FAT3: variants seen among roughly 807,000 people sequenced by gnomAD.
FAT3 encodes FAT atypical cadherin 3, also known as protocadherin Fat 3.
Under a neutral mutation model 310.2 loss-of-function variants are expected in FAT3, and 95 were observed. The observed-to-expected ratio is 0.31, with a 90% CI of 0.26 to 0.36. The LOEUF (loss-of-function observed/expected upper bound fraction) is 0.36, where lower values mean the gene tolerates loss of function less well. Ranked by LOEUF, FAT3 falls within the 10% of genes least tolerant of loss-of-function variation. The pLI is 1.00. For synonymous variants in FAT3, 2,314 were observed against 2,192.9 expected, an observed-to-expected ratio of 1.06 and a Z score of -1.54; for missense variants, 5,408 against 5,715.6, an observed-to-expected ratio of 0.95 and a Z score of 1.74.
chr11:92,848,124 C>T (rs1048708910), intron 19 of FAT3, among the ~76,000 whole-genome samples: 2 of 152,186 alleles, frequency 1.3e-5, no homozygotes, highest in Non-Finnish European at 2.9e-5. Context: ...AATTTGGCCT[C>T]AATATTCTAT....
chr11:92,738,998 A>G (rs559373436), intron 4 of FAT3, among the ~76,000 whole-genome samples: 6 of 152,172 alleles, frequency 3.9e-5, no homozygotes, highest in Admixed American at 6.6e-5. Context: ...CTGTCACACT[A>G]TAGCTTTCAA....
intron 2 of FAT3, among the ~76,000 whole-genome samples, chr11:92,391,771 G>A (rs761735949): frequency 2.0e-5 from 3 of 152,076 alleles, no homozygotes; most frequent in Non-Finnish European, 4.4e-5. Flanking sequence ...TCTTCTTAGA[G>A]ATTTATCTAA....
chr11:92,798,950 C>G lies in FAT3; in HGVS notation c.5937C>G (p.Gly1979=). Residue 1979 remains glycine, a synonymous_variant, in exon 10 of 28, where the codon GGC becomes GGG. Transcript: ENST00000525166. ...TGGTTAAAGAAGCCATGGACAGCGGCCTCCACTTTACACAAAGCTTCTATT... is the reference window on the plus strand; with the variant it reads ...TGGTTAAAGAAGCCATGGACAGCGGGCTCCACTTTACACAAAGCTTCTATT... The part of the protein sequence containing the change: ...TIMVKEAMDS[G]LHFTQSFYST... The G allele has an allele frequency of 6.2e-7, 1 of 1,613,964 alleles. No homozygotes were observed. The highest frequency in any genetic ancestry group is 1.1e-5 in the South Asian group (1 of 91,080).
chr11:92,257,403 G>A (rs1177228296), intron 1 of FAT3, among the ~76,000 whole-genome samples: 1 of 152,030 alleles, frequency 6.6e-6, no homozygotes, highest in Non-Finnish European at 1.5e-5. Flanking sequence ...ATTTCCCCAG[G>A]GAAGTAGACT....
At chr11:92,370,277 T>C (rs1234798551) in intron 2 of FAT3, among the ~76,000 whole-genome samples, 1 of 152,228 alleles carries the variant, frequency 6.6e-6, no homozygotes, top group Non-Finnish European at 1.5e-5. Flanking sequence ...TCTGATTTCA[T>C]TGACTAAACC....
intron 3 of FAT3, among the ~76,000 whole-genome samples, chr11:92,560,156 T>C (rs1955170319): frequency 6.6e-6 from 1 of 152,226 alleles, no homozygotes; most frequent in African/African-American, 2.4e-5. Context: ...TACTGGATGT[T>C]AAGTGGTATC....
intron 6 of FAT3, among the ~76,000 whole-genome samples, chr11:92,770,554 C>A (rs1315401649): frequency 6.6e-6 from 1 of 152,118 alleles, no homozygotes; most frequent in East Asian, 1.9e-4. Context: ...GTGCACAACT[C>A]CCTGAATTCA....
chr11:92,753,798 G>GTGTGTGTGTGTATATATATATA, intron 4 of FAT3, among the ~76,000 whole-genome samples: 2 of 119,114 alleles, frequency 1.7e-5, no homozygotes, highest in East Asian at 2.3e-4. Flanking sequence ...GTGTGTGTGT[G>GTGTGTGTGTGTATATATATATA]TATATATATA....
intron 3 of FAT3, among the ~76,000 whole-genome samples, chr11:92,629,526 T>C (rs1176150859): frequency 6.7e-6 from 1 of 149,284 alleles, no homozygotes; most frequent in Non-Finnish European, 1.5e-5. Flanking sequence ...CTGCCTCGCC[T>C]CAGCCTTCCA....
Position 92,603,675 on chromosome 11 carries a change from C to T in FAT3, c.3607+78727C>T, listed in dbSNP as rs1940137439. On this transcript the variant is annotated intron_variant, in intron 3 of 27. Coordinates refer to ENST00000525166, the MANE Select transcript of FAT3 (RefSeq NM_001367949.2). ...GCTTCATCTTTGGATGGTCACAACA[C>T]TTAATATCAGGCTTTGTATAGAGTA... 2.0e-5 allele frequency among the ~76,000 whole-genome samples: 3 copies of T among 152,178 alleles called. No homozygotes were observed. In the South Asian group the frequency reaches 6.2e-4, roughly 32 times the overall value.
intron 3 of FAT3, among the ~76,000 whole-genome samples, chr11:92,577,392 G>A (rs1938539182): frequency 6.6e-6 from 1 of 152,026 alleles, no homozygotes; most frequent in South Asian, 2.1e-4. Context: ...ACAGGTATGA[G>A]CCACCACACC....
intron 4 of FAT3, among the ~76,000 whole-genome samples, chr11:92,705,691 ATGG>A (rs1465530253): frequency 1.5e-4 from 3 of 20,474 alleles, no homozygotes; most frequent in Non-Finnish European, 1.8e-4. Context: ...TGGTGGTGTG[ATGG>A]TGGTGTGATC....
intron 1 of FAT3, among the ~76,000 whole-genome samples, chr11:92,312,125 T>A (rs1410363587): frequency 1.3e-5 from 2 of 152,230 alleles, no homozygotes; most frequent in East Asian, 1.9e-4. Flanking sequence ...CCTTTTCAGG[T>A]ACAAAATCAG....
chr11:92,234,291 A>C (rs577780737), intron 1 of FAT3, among the ~76,000 whole-genome samples: 1 of 152,360 alleles, frequency 6.6e-6, no homozygotes, highest in South Asian at 2.1e-4. Context: ...GAGTGTATAC[A>C]TATTGGAAAT....
At chr11:92,588,952 C>T (rs1939288944) in intron 3 of FAT3, among the ~76,000 whole-genome samples, 1 of 148,114 alleles carries the variant, frequency 6.8e-6, no homozygotes, top group African/African-American at 2.6e-5. Flanking sequence ...AATGCAGCGG[C>T]ATAATGAAGA....
intron 1 of FAT3, among the ~76,000 whole-genome samples, chr11:92,337,403 T>C (rs1046397208): frequency 2.6e-5 from 4 of 152,166 alleles, no homozygotes; most frequent in Non-Finnish European, 5.9e-5. Context: ...AACATTTTTC[T>C]TTTTGATCTG....
intron 3 of FAT3, among the ~76,000 whole-genome samples, chr11:92,660,036 A>G (rs1346381688): frequency 1.3e-5 from 2 of 151,948 alleles, no homozygotes; most frequent in Non-Finnish European, 2.9e-5. Context: ...TAGAGGAGAA[A>G]CTCGAGAGTA....
intron 4 of FAT3, among the ~76,000 whole-genome samples, chr11:92,738,911 A>G (rs1422316061): frequency 6.6e-6 from 1 of 152,128 alleles, no homozygotes; most frequent in Non-Finnish European, 1.5e-5. Flanking sequence ...CACAGATATT[A>G]AAGTGCTTGG....
At chr11:92,386,657 G>A (rs182768005) in intron 2 of FAT3, among the ~76,000 whole-genome samples, 26 of 152,322 alleles carry the variant, frequency 1.7e-4, no homozygotes, top group African/African-American at 5.3e-4. Flanking sequence ...TTAAACTTGA[G>A]AGAAGACAAG....
Sources: gnomAD v4.1 joint callset for allele counts (sites outside exome capture counted in the v4.1 genomes callset) on GRCh38, gnomAD v4.1.1 for gene constraint, MANE v1.5 for transcripts, NCBI Gene and HGNC (gene_info 2026-07-23, HGNC 2026-07-21) for gene names.